Variants in SGCZ observed in about 807,000 individuals in gnomAD.
SGCZ encodes sarcoglycan zeta, also known as zeta-sarcoglycan.
A neutral mutation model predicts 41.3 loss-of-function variants in SGCZ; 40 were observed. The observed-to-expected ratio is 0.97, with a 90% CI of 0.75 to 1.26. The LOEUF is 1.26. SGCZ is among the 50% of genes most tolerant of loss of function. The pLI is 0.00. For synonymous variants in SGCZ, 206 were observed against 137.5 expected (o/e 1.50, Z -3.49); for missense variants, 552 against 369.8 (o/e 1.49, Z -4.04).
rs574635381 is a variant in SGCZ, at chr8:15,110,518, AG to A, written c.39+127066del. Among the ~76,000 whole-genome samples the A allele has an allele frequency of 1.3e-4, 20 of 152,352 alleles. No homozygotes were observed. In the East Asian group the frequency reaches 3.3e-3, roughly 25 times the overall value. ...TTTCATCACATAATTATTGTCCTCC[AG>A]CCCACAGGGCAAAGGGATTAAGTTT... On this transcript the variant is annotated intron_variant, in intron 1 of 7. Coordinates refer to ENST00000382080, the MANE Select transcript of SGCZ (RefSeq NM_139167.4).
intron 1 of SGCZ, among the ~76,000 whole-genome samples, chr8:14,918,467 T>C (rs1030819703): frequency 1.3e-5 from 2 of 152,166 alleles, no homozygotes; most frequent in African/African-American, 2.4e-5. Context: ...TACACAGCTG[T>C]TATATAAACT....
At chr8:14,368,269 ACTG>A (rs1307438415) in intron 2 of SGCZ, among the ~76,000 whole-genome samples, 6 of 152,084 alleles carry the variant, frequency 3.9e-5, no homozygotes, top group Non-Finnish European at 8.8e-5. Context: ...ATATGTTCTA[ACTG>A]CATTTCATTA....
intron 1 of SGCZ, among the ~76,000 whole-genome samples, chr8:14,719,081 C>G (rs932917898): frequency 1.4e-5 from 2 of 146,454 alleles, no homozygotes; most frequent in Non-Finnish European, 3.0e-5. Context: ...TCAACTCCCA[C>G]CTATGAGTGA....
At chr8:14,619,975 T>C (rs1460386791) in intron 1 of SGCZ, among the ~76,000 whole-genome samples, 2 of 152,156 alleles carry the variant, frequency 1.3e-5, no homozygotes, top group African/African-American at 4.8e-5. Context: ...AGGGCCCGCA[T>C]TGCCAAGACA....
At chr8:14,361,390 T>C (rs1413011304) in intron 2 of SGCZ, among the ~76,000 whole-genome samples, 1 of 152,190 alleles carries the variant, frequency 6.6e-6, no homozygotes, top group Non-Finnish European at 1.5e-5. Flanking sequence ...TTTCACTCTT[T>C]TTTCTCTAAT....
chr8:14,227,112 G>A (rs558009812), intron 4 of SGCZ, among the ~76,000 whole-genome samples: 4 of 152,202 alleles, frequency 2.6e-5, no homozygotes, highest in East Asian at 3.9e-4. Context: ...GGAATCATAA[G>A]GACCTCTGGA....
chr8:14,119,080 T>G (rs533110788), intron 5 of SGCZ, among the ~76,000 whole-genome samples: 1 of 152,270 alleles, frequency 6.6e-6, no homozygotes, highest in South Asian at 2.1e-4. Context: ...TTACAGTTGT[T>G]TTTTCTAATT....
chr8:14,843,753 C>A (rs1803004632), intron 1 of SGCZ, among the ~76,000 whole-genome samples: 1 of 151,990 alleles, frequency 6.6e-6, no homozygotes, highest in East Asian at 1.9e-4. Context: ...CTGCCAAGAA[C>A]TTCATAAATA....
intron 1 of SGCZ, among the ~76,000 whole-genome samples, chr8:14,867,081 T>C (rs1241154171): frequency 6.6e-6 from 1 of 152,160 alleles, no homozygotes; most frequent in Non-Finnish European, 1.5e-5. Context: ...GTCTAGGTCA[T>C]TCACTATCCT....
chr8:14,396,026 G>T (rs1410040582), intron 2 of SGCZ, among the ~76,000 whole-genome samples: 1 of 152,104 alleles, frequency 6.6e-6, no homozygotes, highest in Non-Finnish European at 1.5e-5. Flanking sequence ...ATCGGAGAGA[G>T]GGTACGTACA....
At chr8:14,767,396 G>A (rs1375319545) in intron 1 of SGCZ, among the ~76,000 whole-genome samples, 1 of 152,152 alleles carries the variant, frequency 6.6e-6, no homozygotes, top group Non-Finnish European at 1.5e-5. Flanking sequence ...GTTTTTAGTA[G>A]ACCCAGGAAA....
At chr8:14,178,178 T>C (rs1338874027) in intron 4 of SGCZ, among the ~76,000 whole-genome samples, 3 of 151,936 alleles carry the variant, frequency 2.0e-5, no homozygotes, top group African/African-American at 7.2e-5. Flanking sequence ...GGTCTCGAAC[T>C]CCTAACCTCA....
At chr8:14,180,531 C>G (rs12679768) in intron 4 of SGCZ, among the ~76,000 whole-genome samples, 53,724 of 151,752 alleles carry the variant, frequency 0.35, 10,208 homozygotes, top group East Asian at 0.66. Context: ...TATCATATAA[C>G]CCAACATGCG....
intron 1 of SGCZ, among the ~76,000 whole-genome samples, chr8:14,791,786 G>T (rs1800963783): frequency 6.6e-6 from 1 of 152,156 alleles, no homozygotes; most frequent in African/African-American, 2.4e-5. Flanking sequence ...CCAATGAGCA[G>T]TTCTGAATCA....
chr8:14,265,969 G>A (rs1799853114), intron 3 of SGCZ, among the ~76,000 whole-genome samples: 2 of 151,824 alleles, frequency 1.3e-5, no homozygotes, highest in Non-Finnish European at 2.9e-5. Context: ...AAAGTCTAGA[G>A]GAATTATGGG....
At chr8:14,300,037 T>C (rs1563243937) in intron 3 of SGCZ, among the ~76,000 whole-genome samples, 2 of 151,848 alleles carry the variant, frequency 1.3e-5, no homozygotes, top group Non-Finnish European at 1.5e-5. Context: ...TGATCTATGG[T>C]TTTGTAAGTC....
Position 14,578,831 on chromosome 8 carries a change from A to G in SGCZ, c.40-23905T>C, listed in dbSNP as rs575609392. Among the ~76,000 whole-genome samples, 18 of 152,314 alleles carry G rather than the reference A, an allele frequency of 1.2e-4. No homozygotes were observed. In the East Asian group the frequency reaches 3.5e-3, roughly 29 times the overall value. ...CATTGTCTCTCTGTTTACAAATTAG[A>G]TATGTAAAACTTAATAGCATCCAAT... On this transcript the variant is annotated intron_variant, in intron 1 of 7. Coordinates refer to ENST00000382080, the MANE Select transcript of SGCZ (RefSeq NM_139167.4).
At chr8:14,473,233 A>T (rs544908810) in intron 2 of SGCZ, among the ~76,000 whole-genome samples, 1 of 152,214 alleles carries the variant, frequency 6.6e-6, no homozygotes, top group African/African-American at 2.4e-5. Context: ...AGAAACAGAT[A>T]AAATCATATT....
intron 4 of SGCZ, among the ~76,000 whole-genome samples, chr8:14,212,717 G>A (rs1434026926): frequency 6.6e-6 from 1 of 152,034 alleles, no homozygotes; most frequent in Non-Finnish European, 1.5e-5. Flanking sequence ...GAAGAGAAAA[G>A]ACAAACAACT....
Sources: gnomAD v4.1 joint callset for allele counts (sites outside exome capture counted in the v4.1 genomes callset) on GRCh38, gnomAD v4.1.1 for gene constraint, MANE v1.5 for transcripts, NCBI Gene and HGNC (gene_info 2026-07-23, HGNC 2026-07-21) for gene names.